The following RANBP2 variants were observed in gnomAD, a reference collection of about 807,000 sequenced individuals.
RANBP2 encodes the protein E3 SUMO-protein ligase RanBP2.
RANBP2 carries 57 observed loss-of-function variants against 303.6 expected under a neutral mutation model. That is an observed-to-expected ratio of 0.19 (90% CI 0.15 to 0.23). The LOEUF (loss-of-function observed/expected upper bound fraction) is 0.23. Ranked by LOEUF, RANBP2 falls within the 10% of genes least tolerant of loss-of-function variation. RANBP2 has a pLI of 1.00. For missense variants in RANBP2, 3,138 were observed against 3,780.8 expected, an observed-to-expected ratio of 0.83 and a Z score of 4.46; for synonymous variants, 1,167 against 1,301.5, an observed-to-expected ratio of 0.90 and a Z score of 2.23.
chr2:109,506,464 C>T, the RANBP2 span, among the ~76,000 whole-genome samples: 1 of 152,192 alleles, frequency 6.6e-6, no homozygotes, highest in Non-Finnish European at 1.5e-5. Flanking sequence ...TTGTGAGGAC[C>T]CTGGAGAGAG....
chr2:108,892,685 A>G, the RANBP2 span, among the ~76,000 whole-genome samples: 1 of 152,272 alleles, frequency 6.6e-6, no homozygotes, highest in Admixed American at 6.5e-5. Flanking sequence ...GGGGTCTCTC[A>G]TGGCCAGGAT....
At chr2:108,873,333 A>G in the RANBP2 span, 4 of 966,390 alleles carry the variant, frequency 4.1e-6, no homozygotes, top group East Asian at 1.2e-4. Flanking sequence ...TAAGTATGAA[A>G]AGAATGAAAA....
chr2:109,010,081 T>TA, the RANBP2 span, among the ~76,000 whole-genome samples: 5 of 152,156 alleles, frequency 3.3e-5, no homozygotes, highest in African/African-American at 9.7e-5. Context: ...ATACTTCCGT[T>TA]AAAAAAAATT....
At chr2:108,771,280 A>G (rs1271788813) in intron 20 of RANBP2, among the ~76,000 whole-genome samples, 1 of 151,782 alleles carries the variant, frequency 6.6e-6, no homozygotes, top group Non-Finnish European at 1.5e-5. Flanking sequence ...TTAGTTTCAT[A>G]TGTATAGTAA....
chr2:109,550,347 C>G, the RANBP2 span, among the ~76,000 whole-genome samples: 23 of 151,012 alleles, frequency 1.5e-4, no homozygotes, highest in Non-Finnish European at 2.8e-4. Flanking sequence ...GATTCTCGCT[C>G]TGTTGCCCAG....
intron 1 of RANBP2, among the ~76,000 whole-genome samples, chr2:108,722,268 C>T (rs1694323482): frequency 6.6e-6 from 1 of 151,794 alleles, no homozygotes; most frequent in Non-Finnish European, 1.5e-5. Flanking sequence ...TTTTTTTCCC[C>T]CAAATTTAAA....
chr2:108,852,939 A>T, the RANBP2 span, among the ~76,000 whole-genome samples: 11 of 152,334 alleles, frequency 7.2e-5, 1 homozygote, highest in East Asian at 1.3e-3. Context: ...ATGAGCAAAT[A>T]TAATGTGTCA....
intron 1 of RANBP2, among the ~76,000 whole-genome samples, chr2:108,726,175 C>T (rs1404542555): frequency 6.6e-6 from 1 of 152,180 alleles, no homozygotes; most frequent in Non-Finnish European, 1.5e-5. Flanking sequence ...GTAAAAATCT[C>T]ACGGCCTCCT....
At chr2:109,158,195 G>A in the RANBP2 span, among the ~76,000 whole-genome samples, 1 of 152,214 alleles carries the variant, frequency 6.6e-6, no homozygotes. Context: ...GCTGTGCTGG[G>A]AAATGATTGC....
At chr2:108,813,455 T>C in the RANBP2 span, among the ~76,000 whole-genome samples, 70 of 152,224 alleles carry the variant, frequency 4.6e-4, 1 homozygote, top group Middle Eastern at 6.8e-3. Context: ...AAAACTATTA[T>C]ATTTCAGCAG....
chr2:109,628,316 A>C, the RANBP2 span, among the ~76,000 whole-genome samples: 1 of 152,138 alleles, frequency 6.6e-6, no homozygotes, highest in Non-Finnish European at 1.5e-5. Context: ...CAACATAGCA[A>C]AACCTCATCT....
At chr2:108,956,085 G>A in the RANBP2 span, among the ~76,000 whole-genome samples, 202 of 152,222 alleles carry the variant, frequency 1.3e-3, no homozygotes, top group Admixed American at 5.2e-3. Flanking sequence ...GGCTACTTGT[G>A]GTTTGACTGT....
chr2:109,670,447 C>T, the RANBP2 span, among the ~76,000 whole-genome samples: 1 of 151,596 alleles, frequency 6.6e-6, no homozygotes, highest in African/African-American at 2.4e-5. Flanking sequence ...GGTGCGATAA[C>T]TTGGGCACAA....
the RANBP2 span, among the ~76,000 whole-genome samples, chr2:109,026,920 G>C: frequency 2.6e-5 from 4 of 152,052 alleles, no homozygotes; most frequent in Non-Finnish European, 5.9e-5. Flanking sequence ...CAGGCATGGT[G>C]GTGGGCGTCT....
At chr2:109,184,029 G>A in the RANBP2 span, among the ~76,000 whole-genome samples, 1 of 152,232 alleles carries the variant, frequency 6.6e-6, no homozygotes, top group Admixed American at 6.5e-5. Context: ...CACGGTGTGT[G>A]TTGAGTGCTA....
chr2:108,907,837 C>T, the RANBP2 span: 1 of 1,613,188 alleles, frequency 6.2e-7, no homozygotes, highest in Non-Finnish European at 8.5e-7. Flanking sequence ...CACAGCTCAT[C>T]ATGGCACCTG....
At chr2:109,227,927 TG>T in the RANBP2 span, among the ~76,000 whole-genome samples, 16 of 152,236 alleles carry the variant, frequency 1.1e-4, no homozygotes, top group South Asian at 2.1e-4. Context: ...TCATTCCTGA[TG>T]TTTCCCAAAC....
chr2:109,495,477 CT>C, the RANBP2 span, among the ~76,000 whole-genome samples: 213 of 94,208 alleles, frequency 2.3e-3, no homozygotes, highest in African/African-American at 6.7e-3. Flanking sequence ...TCTTTCATTC[CT>C]TTTTTTTTTT....
chr2:109,316,088 T>C, the RANBP2 span, among the ~76,000 whole-genome samples: 67 of 152,326 alleles, frequency 4.4e-4, 1 homozygote, highest in African/African-American at 1.5e-3. Flanking sequence ...ATTTCCAGTA[T>C]GCAATTGTAA....
Sources: gnomAD v4.1 joint callset for allele counts (sites outside exome capture counted in the v4.1 genomes callset) on GRCh38, gnomAD v4.1.1 for gene constraint, MANE v1.5 for transcripts, NCBI Gene and HGNC (gene_info 2026-07-23, HGNC 2026-07-21) for gene names.